GRM8: variants seen among roughly 807,000 people sequenced by gnomAD.
The protein encoded by GRM8 is glutamate metabotropic receptor 8, also known as metabotropic glutamate receptor 8.
A neutral mutation model predicts 87.2 loss-of-function variants in GRM8; 47 were observed. That is an observed-to-expected ratio of 0.54 (90% CI 0.43 to 0.69). The LOEUF is 0.69. Ranked by LOEUF, GRM8 falls within the 30% of genes least tolerant of loss-of-function variation. GRM8 has a pLI of 0.00. For missense variants in GRM8, 1,019 were observed against 1,139.2 expected (o/e 0.89, Z 1.52); for synonymous variants, 396 against 404.5 (o/e 0.98, Z 0.25).
chr7:127,020,090 TAA>T (rs1435519907), intron 3 of GRM8, among the ~76,000 whole-genome samples: 1 of 152,106 alleles, frequency 6.6e-6, no homozygotes, highest in Non-Finnish European at 1.5e-5. Context: ...GCAAAGATTA[TAA>T]ATACACAGAA....
At chr7:126,520,447 C>T (rs1002467611) in intron 9 of GRM8, among the ~76,000 whole-genome samples, 26 of 151,834 alleles carry the variant, frequency 1.7e-4, no homozygotes, top group Non-Finnish European at 2.8e-4. Flanking sequence ...TTTTTGAACA[C>T]GTAAAAGGGC....
At chr7:126,670,813 T>A (rs60027718) in intron 7 of GRM8, among the ~76,000 whole-genome samples, 5,640 of 152,316 alleles carry the variant, frequency 0.037, 334 homozygotes, top group African/African-American at 0.13. Flanking sequence ...TAGTTTTTTT[T>A]ATAGTCAAGG....
chr7:127,242,470 G>GA (rs80232658), intron 2 of GRM8, among the ~76,000 whole-genome samples: 4,944 of 141,142 alleles, frequency 0.035, 135 homozygotes, highest in African/African-American at 0.077. Context: ...CTTTGTTCAG[G>GA]AAAAAAAAAA....
intron 8 of GRM8, among the ~76,000 whole-genome samples, chr7:126,568,268 C>T (rs1794411189): frequency 6.6e-6 from 1 of 152,080 alleles, no homozygotes; most frequent in African/African-American, 2.4e-5. Context: ...TTAAAGTGAA[C>T]ATTCAAGATA....
At chr7:126,736,083 C>A (rs1339044066) in intron 7 of GRM8, among the ~76,000 whole-genome samples, 2 of 151,988 alleles carry the variant, frequency 1.3e-5, no homozygotes. Context: ...TGGCTCAGCA[C>A]AAATGGGGCC....
At chr7:126,999,587 A>G (rs1317376666) in intron 3 of GRM8, among the ~76,000 whole-genome samples, 1 of 151,906 alleles carries the variant, frequency 6.6e-6, no homozygotes, top group Non-Finnish European at 1.5e-5. Flanking sequence ...AAATATCTGA[A>G]CAGACATTTC....
At chr7:126,754,286 T>G (rs1816763463) in intron 7 of GRM8, among the ~76,000 whole-genome samples, 1 of 151,872 alleles carries the variant, frequency 6.6e-6, no homozygotes, top group Admixed American at 6.6e-5. Flanking sequence ...CGCTAAAGTT[T>G]TAAAATAGCT....
At chr7:126,456,637 A>G (rs545513546) in intron 9 of GRM8, among the ~76,000 whole-genome samples, 5 of 148,554 alleles carry the variant, frequency 3.4e-5, no homozygotes, top group African/African-American at 1.2e-4. Flanking sequence ...CATTTAGCCA[A>G]TATATCTAAA....
intron 3 of GRM8, among the ~76,000 whole-genome samples, chr7:126,936,577 A>G (rs755473528): frequency 1.1e-4 from 17 of 152,330 alleles, no homozygotes; most frequent in African/African-American, 1.9e-4. Flanking sequence ...CGGAGTGGTT[A>G]AAGGACTAAG....
intron 6 of GRM8, among the ~76,000 whole-genome samples, chr7:126,780,414 A>G (rs1390710412): frequency 1.3e-5 from 2 of 152,192 alleles, no homozygotes; most frequent in African/African-American, 4.8e-5. Flanking sequence ...GTTGAAAAGA[A>G]TAGGCACTAC....
chr7:127,141,537 A>G (rs1019395736), intron 2 of GRM8, among the ~76,000 whole-genome samples: 2 of 152,084 alleles, frequency 1.3e-5, no homozygotes, highest in African/African-American at 4.8e-5. Context: ...ACTCTCACAT[A>G]TTTTCTCAGG....
chr7:126,847,699 T>C (rs1294788465), intron 6 of GRM8, among the ~76,000 whole-genome samples: 6 of 152,132 alleles, frequency 3.9e-5, no homozygotes, highest in Non-Finnish European at 7.4e-5. Flanking sequence ...GAGAATCAGG[T>C]GAAAGCCATA....
At chr7:126,893,552 G>A (rs1487644853) in intron 6 of GRM8, among the ~76,000 whole-genome samples, 2 of 151,912 alleles carry the variant, frequency 1.3e-5, no homozygotes, top group Non-Finnish European at 2.9e-5. Context: ...AGAACAGGAG[G>A]ACTATCTGGC....
intron 9 of GRM8, among the ~76,000 whole-genome samples, chr7:126,493,285 G>A (rs1192768824): frequency 6.6e-6 from 1 of 151,946 alleles, no homozygotes; most frequent in Non-Finnish European, 1.5e-5. Context: ...GAGAGACTGG[G>A]GTCACTGTCC....
intron 6 of GRM8, among the ~76,000 whole-genome samples, chr7:126,881,375 C>T (rs1246111793): frequency 6.6e-6 from 1 of 152,180 alleles, no homozygotes; most frequent in Admixed American, 6.5e-5. Flanking sequence ...CCTGAAAGGA[C>T]ATGATCACGG....
chr7:126,519,027 G>A lies in GRM8; in HGVS notation c.2430+13925C>T, dbSNP rs929728498. Among the ~76,000 whole-genome samples the A allele has an allele frequency of 3.6e-4, 54 of 151,922 alleles. 1 individual carries two copies. Among genetic ancestry groups the A allele is most frequent in the Non-Finnish European group, 4.4e-5 (3 of 67,932 alleles). ...TTTAGAACACATTAACTCAGAATTG[G>A]CTTAAAAATGTTTATCCCTTTTTCT... On this transcript the variant is annotated intron_variant, in intron 9 of 10. Transcript: ENST00000339582.
intron 2 of GRM8, among the ~76,000 whole-genome samples, chr7:127,108,717 G>A (rs576719919): frequency 6.6e-6 from 1 of 152,142 alleles, no homozygotes; most frequent in Non-Finnish European, 1.5e-5. Context: ...TTAATTAGCA[G>A]TCAGCCTCAT....
At chr7:126,497,637 C>T (rs900560283) in intron 9 of GRM8, among the ~76,000 whole-genome samples, 3 of 151,944 alleles carry the variant, frequency 2.0e-5, no homozygotes, top group Non-Finnish European at 2.9e-5. Flanking sequence ...TTGGTTTAAC[C>T]TCTTAAAATT....
At chr7:126,737,745 C>T (rs1814400868) in intron 7 of GRM8, among the ~76,000 whole-genome samples, 1 of 152,020 alleles carries the variant, frequency 6.6e-6, no homozygotes, top group Non-Finnish European at 1.5e-5. Context: ...TAGCTATGCA[C>T]TAAACTAAGT....
Sources: allele counts gnomAD v4.1 joint callset (sites outside exome capture counted in the v4.1 genomes callset), GRCh38; gene constraint gnomAD v4.1.1; transcripts MANE v1.5; gene names NCBI Gene and HGNC (gene_info 2026-07-23, HGNC 2026-07-21).